The following DPP10 variants were observed in gnomAD, a reference collection of about 807,000 sequenced individuals.
DPP10 encodes inactive dipeptidyl peptidase 10.
Under a neutral mutation model 120.9 loss-of-function variants are expected in DPP10, and 33 were observed. That is an observed-to-expected ratio of 0.27 (90% CI 0.21 to 0.37). DPP10 has a LOEUF of 0.37. Ranked by LOEUF, DPP10 falls within the 10% of genes least tolerant of loss-of-function variation. DPP10 has a pLI of 1.00. For missense variants in DPP10, 816 were observed against 942.8 expected, an observed-to-expected ratio of 0.87 and a Z score of 1.76; for synonymous variants, 337 against 326.1, an observed-to-expected ratio of 1.03 and a Z score of -0.36.
At chr2:115,624,930 T>C (rs552647624) in intron 5 of DPP10, among the ~76,000 whole-genome samples, 1 of 152,322 alleles carries the variant, frequency 6.6e-6, no homozygotes, top group South Asian at 2.1e-4. Flanking sequence ...GATGGGGTTA[T>C]AACTGGTAAA....
intron 4 of DPP10, among the ~76,000 whole-genome samples, chr2:115,509,342 T>G (rs2077105581): frequency 6.6e-6 from 1 of 152,156 alleles, no homozygotes; most frequent in African/African-American, 2.4e-5. Flanking sequence ...TGGTTGGTGA[T>G]GGCGGTTAGA....
At chr2:115,129,363 T>C (rs569092208) in intron 1 of DPP10, among the ~76,000 whole-genome samples, 18 of 152,300 alleles carry the variant, frequency 1.2e-4, no homozygotes, top group Non-Finnish European at 2.5e-4. Flanking sequence ...CACGGAAATA[T>C]GAGAGCTGTC....
rs114862243 is a variant in DPP10, at chr2:114,466,724, C to T, written c.60+23886C>T. On this transcript the variant is annotated intron_variant, in intron 1 of 25. Coordinates refer to ENST00000410059, the MANE Select transcript of DPP10 (RefSeq NM_020868.6). Reference sequence around the variant, plus strand: ...TATTATTATCATCCATAATATAGAACGTAAGCAATTGTCTGTTCGCTTTGA... The same window carrying T: ...TATTATTATCATCCATAATATAGAATGTAAGCAATTGTCTGTTCGCTTTGA... Among the ~76,000 whole-genome samples the T allele has an allele frequency of 8.8e-3, 1,334 of 152,282 alleles. 31 individuals carry two copies. Among genetic ancestry groups the T allele is most frequent in the African/African-American group, 0.03 (1,257 of 41,556 alleles).
At chr2:114,874,381 A>T (rs1211037748) in intron 1 of DPP10, among the ~76,000 whole-genome samples, 1 of 152,172 alleles carries the variant, frequency 6.6e-6, no homozygotes, top group Non-Finnish European at 1.5e-5. Flanking sequence ...TGACAAAAGC[A>T]TCCAAAAGCC....
intron 5 of DPP10, among the ~76,000 whole-genome samples, chr2:115,585,480 A>C (rs1380418671): frequency 6.6e-6 from 1 of 152,230 alleles, no homozygotes; most frequent in Non-Finnish European, 1.5e-5. Context: ...TGTGCAAAAC[A>C]CTGCAGTTTC....
intron 1 of DPP10, among the ~76,000 whole-genome samples, chr2:115,133,755 T>C (rs1352611516): frequency 6.6e-6 from 1 of 152,144 alleles, no homozygotes; most frequent in African/African-American, 2.4e-5. Flanking sequence ...GTGAAGACCA[T>C]TTTGGACGCA....
In DPP10 at chr2:115,499,724, G is replaced by A. The variant is rs1473496719; in HGVS notation, c.366+120G>A. 6.8e-6 allele frequency: 4 copies of A among 584,394 alleles called. No homozygotes were observed. The Admixed American group carries it at 1.5e-4, about 22-fold the overall frequency. The allele number at this position is 584,394 out of a possible 1,614,324, so 36.2% of individuals were successfully genotyped here. ...TGTAAAGCATTTCAGGTGAAAAGTT[G>A]GGGCTGGAATATCATAAGAATCAGT... On this transcript the variant is annotated intron_variant, in intron 4 of 25. Transcript: ENST00000410059.
intron 5 of DPP10, among the ~76,000 whole-genome samples, chr2:115,623,816 G>A (rs1426746807): frequency 6.6e-6 from 1 of 151,956 alleles, no homozygotes; most frequent in East Asian, 1.9e-4. Flanking sequence ...AGGTACCTGA[G>A]CACCAGATCT....
At chr2:115,367,051 T>A (rs2065121769) in intron 3 of DPP10, among the ~76,000 whole-genome samples, 1 of 151,984 alleles carries the variant, frequency 6.6e-6, no homozygotes, top group South Asian at 2.1e-4. Context: ...CTAATAGATA[T>A]TGTAAGAGAG....
intron 1 of DPP10, among the ~76,000 whole-genome samples, chr2:115,004,450 G>C (rs949398768): frequency 4.6e-5 from 7 of 152,208 alleles, no homozygotes; most frequent in Non-Finnish European, 8.8e-5. Context: ...ATTTCCATCT[G>C]AGGTACCGGG....
chr2:115,058,188 T>C (rs549317500), intron 1 of DPP10, among the ~76,000 whole-genome samples: 1 of 150,624 alleles, frequency 6.6e-6, no homozygotes, highest in East Asian at 2.0e-4. Flanking sequence ...CATAGAACTT[T>C]CTTTCTCACT....
chr2:115,715,747 A>T (rs942740008), intron 7 of DPP10, among the ~76,000 whole-genome samples: 5 of 152,178 alleles, frequency 3.3e-5, no homozygotes, highest in African/African-American at 1.2e-4. Context: ...TTTTTCTTCT[A>T]TCTTTACATT....
At chr2:114,996,743 G>A (rs538097039) in intron 1 of DPP10, among the ~76,000 whole-genome samples, 2 of 152,104 alleles carry the variant, frequency 1.3e-5, no homozygotes, top group South Asian at 4.2e-4. Context: ...CAGCACTTTG[G>A]GAGGCCGAGG....
chr2:115,716,612 G>C (rs1373344641), intron 7 of DPP10, among the ~76,000 whole-genome samples: 1 of 152,046 alleles, frequency 6.6e-6, no homozygotes, highest in Admixed American at 6.6e-5. Flanking sequence ...TTCTGGACAT[G>C]GGCATTTTGG....
At chr2:115,652,326 A>C (rs2087860107) in intron 5 of DPP10, among the ~76,000 whole-genome samples, 1 of 151,898 alleles carries the variant, frequency 6.6e-6, no homozygotes, top group Non-Finnish European at 1.5e-5. Flanking sequence ...TACAGTAGGC[A>C]GTCACTAGCT....
At chr2:115,536,131 A>G (rs962361586) in intron 5 of DPP10, among the ~76,000 whole-genome samples, 13 of 152,192 alleles carry the variant, frequency 8.5e-5, no homozygotes, top group African/African-American at 2.9e-4. Context: ...AAAAAAGAAG[A>G]TAGAAATAAT....
chr2:115,316,464 T>C (rs2061797863), intron 2 of DPP10, among the ~76,000 whole-genome samples: 1 of 152,158 alleles, frequency 6.6e-6, no homozygotes, highest in African/African-American at 2.4e-5. Context: ...AGGGAAGGCA[T>C]AGCAGAGAAA....
At chr2:115,612,061 A>C (rs2149253593) in intron 5 of DPP10, among the ~76,000 whole-genome samples, 1 of 152,302 alleles carries the variant, frequency 6.6e-6, no homozygotes, top group African/African-American at 2.4e-5. Flanking sequence ...ACAATATGGA[A>C]GGAAAATGAT....
At chr2:115,298,880 T>G (rs1371805138) in intron 1 of DPP10, among the ~76,000 whole-genome samples, 9 of 152,048 alleles carry the variant, frequency 5.9e-5, no homozygotes, top group Non-Finnish European at 1.3e-4. Context: ...AGAAACTCAA[T>G]TTTGAAAAAT....
Sources: allele counts gnomAD v4.1 joint callset (sites outside exome capture counted in the v4.1 genomes callset), GRCh38; gene constraint gnomAD v4.1.1; transcripts MANE v1.5; gene names NCBI Gene and HGNC (gene_info 2026-07-23, HGNC 2026-07-21).